CLDN16: variants seen among roughly 807,000 people sequenced by gnomAD.
CLDN16 encodes claudin-16.
CLDN16 carries 13 observed loss-of-function variants against 24.6 expected under a neutral mutation model. The observed-to-expected ratio is 0.53, with a 90% CI of 0.34 to 0.84. The LOEUF (loss-of-function observed/expected upper bound fraction) is 0.84. CLDN16 is among the 40% of genes least tolerant of loss of function. The probability of loss-of-function intolerance (pLI) is 0.01; values close to 1 mark genes in which losing one functional copy is unlikely to be tolerated. For missense variants in CLDN16, 298 were observed against 292.7 expected, an observed-to-expected ratio of 1.02 and a Z score of -0.13; for synonymous variants, 116 against 106.7, an observed-to-expected ratio of 1.09 and a Z score of -0.54.
At chr3:190,369,485 T>C (rs1438195077) in intron 1 of CLDN16, among the ~76,000 whole-genome samples, 1 of 151,950 alleles carries the variant, frequency 6.6e-6, no homozygotes, top group Non-Finnish European at 1.5e-5. Context: ...CAAATATTCA[T>C]TATAGAATAG....
chr3:190,369,028 C>A (rs1204455210), intron 1 of CLDN16, among the ~76,000 whole-genome samples: 1 of 151,962 alleles, frequency 6.6e-6, no homozygotes, highest in Non-Finnish European at 1.5e-5. Context: ...CCTCTGATCT[C>A]AAACAGGTAG....
chr3:190,366,296 C>A (rs1214892080), intron 1 of CLDN16, among the ~76,000 whole-genome samples: 1 of 151,866 alleles, frequency 6.6e-6, no homozygotes, highest in East Asian at 1.9e-4. Context: ...CAACATTATG[C>A]CAGCCAAGTT....
chr3:190,365,984 G>A (rs571781250), intron 1 of CLDN16, among the ~76,000 whole-genome samples: 6 of 151,878 alleles, frequency 4.0e-5, no homozygotes, highest in African/African-American at 1.2e-4. Context: ...GAAGAAATGG[G>A]CCACTCTTAC....
At chr3:190,337,041 T>G (rs1335465909) in intron 1 of CLDN16, among the ~76,000 whole-genome samples, 1 of 152,324 alleles carries the variant, frequency 6.6e-6, no homozygotes, top group African/African-American at 2.4e-5. Flanking sequence ...GAGCAGCTAA[T>G]AGAGGAAGAA....
chr3:190,397,631 AC>A (rs2108665067), intron 1 of CLDN16, among the ~76,000 whole-genome samples: 1 of 152,326 alleles, frequency 6.6e-6, no homozygotes, highest in South Asian at 2.1e-4. Context: ...TCTTTTGTGC[AC>A]AAAGGCACCT....
chr3:190,345,237 C>T (rs555818453), intron 1 of CLDN16, among the ~76,000 whole-genome samples: 3 of 152,110 alleles, frequency 2.0e-5, no homozygotes, highest in South Asian at 2.1e-4. Context: ...GATTTTGGCT[C>T]GGATGGATAC....
intron 1 of CLDN16, among the ~76,000 whole-genome samples, chr3:190,367,034 A>G (rs769808159): frequency 3.9e-5 from 6 of 151,982 alleles, no homozygotes; most frequent in Admixed American, 6.6e-5. Context: ...CAAGATTTTA[A>G]TTTTAGCACA....
chr3:190,354,663 G>A (rs1717731729), intron 1 of CLDN16, among the ~76,000 whole-genome samples: 1 of 151,886 alleles, frequency 6.6e-6, no homozygotes, highest in African/African-American at 2.4e-5. Flanking sequence ...GAGATTATGG[G>A]GAATGTTTCA....
At chr3:190,390,469 G>GGCTCA (rs942190056) in intron 1 of CLDN16, among the ~76,000 whole-genome samples, 4 of 152,166 alleles carry the variant, frequency 2.6e-5, no homozygotes, top group Non-Finnish European at 5.9e-5. Flanking sequence ...GGGAGGAGGA[G>GGCTCA]GTTGCACTGA....
chr3:190,391,864 G>C (rs1350945112), intron 1 of CLDN16, among the ~76,000 whole-genome samples: 3 of 152,132 alleles, frequency 2.0e-5, no homozygotes, highest in Admixed American at 6.6e-5. Context: ...TCCTGCTCTT[G>C]TCATTATTGA....
chr3:190,298,693 C>G, the CLDN16 span, among the ~76,000 whole-genome samples: 1 of 151,896 alleles, frequency 6.6e-6, no homozygotes, highest in Non-Finnish European at 1.5e-5. Context: ...GCGCCTTGGC[C>G]TCCCAAAGTG....
At chr3:190,303,747 A>G in the CLDN16 span, among the ~76,000 whole-genome samples, 2 of 152,348 alleles carry the variant, frequency 1.3e-5, no homozygotes, top group Admixed American at 6.5e-5. Context: ...TCTTTTAAAC[A>G]GTATTTACTT....
intron 3 of CLDN16, chr3:190,374,620 T>C (rs1718210501): frequency 6.6e-6 from 1 of 151,928 alleles, no homozygotes; most frequent in Non-Finnish European, 1.5e-5. Flanking sequence ...ATGTTAAGTT[T>C]TCAGTTTTTT....
intron 1 of CLDN16, among the ~76,000 whole-genome samples, chr3:190,327,327 C>T (rs1194553892): frequency 2.0e-5 from 3 of 152,114 alleles, no homozygotes; most frequent in Non-Finnish European, 4.4e-5. Context: ...AAATGTTAAT[C>T]ACAACTAAAG....
chr3:190,381,972 CA>C (rs926218726), intron 3 of CLDN16, among the ~76,000 whole-genome samples: 4 of 149,722 alleles, frequency 2.7e-5, no homozygotes, highest in Admixed American at 6.7e-5. Context: ...GAAGGAAATA[CA>C]AAATAATGAA....
chr3:190,352,010 G>A lies in CLDN16; in HGVS notation n.122-18883G>A, dbSNP rs1016840033. ...CCTGGCTTGAATTATCCCAGTAATTGCATATATTCTGCATTTTGCTTAGGT... is the reference window on the plus strand; with the variant it reads ...CCTGGCTTGAATTATCCCAGTAATTACATATATTCTGCATTTTGCTTAGGT... On this transcript the variant is annotated intron_variant and non_coding_transcript_variant, in intron 1 of 4. Transcript: ENST00000468220. Among the ~76,000 whole-genome samples, 9 of 152,026 alleles carry A rather than the reference G, an allele frequency of 5.9e-5. No individual in the cohort carries two copies. The East Asian group carries it at 7.7e-4, about 13-fold the overall frequency.
rs74835022 is a variant in CLDN16, at chr3:190,404,684, T to G, written c.218-78T>G. ...TGTGTTAATGTTACCTACTTGTCTG[T>G]TTTTTTTGCTATGTCTCTGTGAGTT... On this transcript the variant is annotated intron_variant, in intron 2 of 4. Transcript: ENST00000264734. 3,081 of 1,435,706 alleles carry G rather than the reference T, an allele frequency of 2.1e-3. 45 individuals are homozygous for G. The African/African-American group carries it at 0.037, about 17-fold the overall frequency. 88.9% of individuals were successfully genotyped at this position (1,435,706 alleles called of 1,614,324 possible).
chr3:190,308,875 T>C, the CLDN16 span, among the ~76,000 whole-genome samples: 2 of 152,174 alleles, frequency 1.3e-5, no homozygotes, highest in African/African-American at 4.8e-5. Flanking sequence ...GATGATCCAT[T>C]GGTCCCAGGC....
Position 190,410,673 on chromosome 3 carries a change from C to A in CLDN16, c.*637C>A. On this transcript the variant is annotated 3_prime_UTR_variant, in exon 5 of 5. Transcript: ENST00000264734. ...CAAATGCTAAATTGATACTGGAGCT[C>A]GTGGTGACTTTCTACCTCACTAACA... 6.6e-6 allele frequency: 1 copy of A among 152,458 alleles called. No individual in the cohort carries two copies. The highest frequency in any genetic ancestry group is 1.5e-5 in the Non-Finnish European group (1 of 68,276). 9.4% of individuals were successfully genotyped at this position (152,458 alleles called of 1,614,324 possible).
Sources: gnomAD v4.1 joint callset for allele counts (sites outside exome capture counted in the v4.1 genomes callset) on GRCh38, gnomAD v4.1.1 for gene constraint, MANE v1.5 for transcripts, NCBI Gene and HGNC (gene_info 2026-07-23, HGNC 2026-07-21) for gene names.